KCNJ6: variants seen among roughly 807,000 people sequenced by gnomAD.
KCNJ6 encodes potassium inwardly rectifying channel subfamily J member 6, also known as G protein-activated inward rectifier potassium channel 2.
In KCNJ6, 9 loss-of-function variants were observed where a neutral mutation model predicts 34.2. The observed-to-expected ratio is 0.26, with a 90% CI of 0.16 to 0.46. The LOEUF (loss-of-function observed/expected upper bound fraction) is 0.46, where lower values mean the gene tolerates loss of function less well. Ranked by LOEUF, KCNJ6 falls within the 20% of genes least tolerant of loss-of-function variation. KCNJ6 has a pLI of 1.00. For synonymous variants in KCNJ6, 196 were observed against 207.1 expected, an observed-to-expected ratio of 0.95 and a Z score of 0.46; for missense variants, 236 against 531.3, an observed-to-expected ratio of 0.44 and a Z score of 5.46.
chr21:37,666,776 A>T (rs1288279621), intron 3 of KCNJ6, among the ~76,000 whole-genome samples: 1 of 151,972 alleles, frequency 6.6e-6, no homozygotes, highest in African/African-American at 2.4e-5. Flanking sequence ...AAAGAAGTAG[A>T]CATAGGAGAC....
At chr21:37,636,197 G>A (rs1336292707) in intron 3 of KCNJ6, among the ~76,000 whole-genome samples, 2 of 152,152 alleles carry the variant, frequency 1.3e-5, no homozygotes, top group Middle Eastern at 3.2e-3. Context: ...ACCCACACAG[G>A]TGAGGGCAGA....
intron 1 of KCNJ6, among the ~76,000 whole-genome samples, chr21:37,902,055 G>A (rs377284652): frequency 9.2e-5 from 14 of 152,126 alleles, no homozygotes; most frequent in East Asian, 7.7e-4. Flanking sequence ...AGAACCACAT[G>A]ACTCCAGGTT....
intron 3 of KCNJ6, among the ~76,000 whole-genome samples, chr21:37,701,600 C>G (rs756857604): frequency 6.6e-6 from 1 of 152,182 alleles, no homozygotes; most frequent in Non-Finnish European, 1.5e-5. Flanking sequence ...CAAGGCCTTG[C>G]TCTCACAGAG....
intron 3 of KCNJ6, among the ~76,000 whole-genome samples, chr21:37,633,514 TAAATG>T (rs1468735971): frequency 6.6e-6 from 1 of 152,116 alleles, no homozygotes; most frequent in Non-Finnish European, 1.5e-5. Flanking sequence ...GATTCAAAAA[TAAATG>T]AAACTTTCAT....
At chr21:37,773,433 T>C (rs1171561774) in intron 2 of KCNJ6, among the ~76,000 whole-genome samples, 1 of 152,128 alleles carries the variant, frequency 6.6e-6, no homozygotes, top group African/African-American at 2.4e-5. Context: ...CAGCTGCTAT[T>C]CTCTCCTTCT....
At position 37,890,968 on chromosome 21, in the gene KCNJ6, G is replaced by A. The variant is rs139862501; in HGVS notation, c.-28+24916C>T. Among the ~76,000 whole-genome samples, 553 of 152,208 alleles carry A rather than the reference G, an allele frequency of 3.6e-3. 1 individual carries two copies. The highest frequency in any genetic ancestry group is 6.6e-3 in the Non-Finnish European group (452 of 68,018). On this transcript the variant is annotated intron_variant, in intron 1 of 3. Transcript: ENST00000609713. ...AAAAATCTTTCCTGTAAAATATTGC[G>A]CATTGAAAGTCAGGTTATAAATTCT...
At chr21:37,802,846 G>A (rs938785088) in intron 2 of KCNJ6, among the ~76,000 whole-genome samples, 1 of 152,148 alleles carries the variant, frequency 6.6e-6, no homozygotes, top group African/African-American at 2.4e-5. Flanking sequence ...CACATCAGTG[G>A]GGAGCAGAAA....
intron 1 of KCNJ6, among the ~76,000 whole-genome samples, chr21:37,898,587 G>GAAAAAAAAA (rs112946268): frequency 4.5e-5 from 4 of 89,022 alleles, no homozygotes; most frequent in East Asian, 3.5e-4. Flanking sequence ...CATCTCAAAA[G>GAAAAAAAAA]AAAAAAAAAA....
chr21:37,763,497 T>A (rs891420608), intron 2 of KCNJ6, among the ~76,000 whole-genome samples: 1 of 152,122 alleles, frequency 6.6e-6, no homozygotes, highest in Non-Finnish European at 1.5e-5. Context: ...GCTCTGTGTG[T>A]CATGAAGTCC....
At chr21:37,880,298 G>A (rs2055701247) in intron 1 of KCNJ6, among the ~76,000 whole-genome samples, 1 of 152,256 alleles carries the variant, frequency 6.6e-6, no homozygotes, top group African/African-American at 2.4e-5. Context: ...CAGGAAAAAA[G>A]GAGTCACAAC....
chr21:37,778,286 C>T (rs969486689), intron 2 of KCNJ6, among the ~76,000 whole-genome samples: 10 of 152,102 alleles, frequency 6.6e-5, no homozygotes, highest in Middle Eastern at 3.2e-3. Context: ...ACTTTGCTTT[C>T]TGAAAGTCAG....
rs1257273878 is a variant in KCNJ6, at chr21:37,611,843, C to G, written c.*13316G>C. ...AGCCCCTCAACCTGATAAACAATAT[C>G]TAAAAAAAAAACCTTACAGCTAACA... On this transcript the variant is annotated 3_prime_UTR_variant, in exon 4 of 4. Coordinates refer to ENST00000609713, the MANE Select transcript of KCNJ6 (RefSeq NM_002240.5). The G allele has an allele frequency of 6.6e-6, 1 of 151,188 alleles. No homozygotes were observed. Among genetic ancestry groups the G allele is most frequent in the Non-Finnish European group, 1.5e-5 (1 of 67,702 alleles). The allele number at this position is 151,188 out of a possible 1,614,324, so 9.4% of individuals were successfully genotyped here.
At chr21:37,908,882 G>T (rs1438773454) in intron 1 of KCNJ6, among the ~76,000 whole-genome samples, 1 of 152,112 alleles carries the variant, frequency 6.6e-6, no homozygotes, top group African/African-American at 2.4e-5. Flanking sequence ...ATTTATATCG[G>T]GCATGCATAC....
At chr21:37,647,810 C>G (rs1225139203) in intron 3 of KCNJ6, among the ~76,000 whole-genome samples, 1 of 152,186 alleles carries the variant, frequency 6.6e-6, no homozygotes, top group Admixed American at 6.5e-5. Context: ...CTCTGCCCCC[C>G]AATGACATGG....
chr21:37,803,155 C>T (rs1297925152), intron 2 of KCNJ6, among the ~76,000 whole-genome samples: 10 of 152,172 alleles, frequency 6.6e-5, no homozygotes, highest in Admixed American at 6.5e-4. Flanking sequence ...ATGTTTTCTT[C>T]CTTAGGGCTG....
chr21:37,708,031 T>G (rs2054730459), intron 3 of KCNJ6, among the ~76,000 whole-genome samples: 1 of 152,174 alleles, frequency 6.6e-6, no homozygotes, highest in Non-Finnish European at 1.5e-5. Flanking sequence ...CCACATTGTA[T>G]ATACTGAGAG....
chr21:37,801,006 G>C (rs906360227), intron 2 of KCNJ6, among the ~76,000 whole-genome samples: 2 of 152,154 alleles, frequency 1.3e-5, no homozygotes, highest in Non-Finnish European at 2.9e-5. Context: ...TAAGGGAGAG[G>C]GGGACTCGTT....
intron 2 of KCNJ6, among the ~76,000 whole-genome samples, chr21:37,801,106 G>A (rs1290027684): frequency 6.6e-6 from 1 of 152,170 alleles, no homozygotes; most frequent in African/African-American, 2.4e-5. Flanking sequence ...GAATCAGATA[G>A]CTGGGGTTCT....
intron 2 of KCNJ6, among the ~76,000 whole-genome samples, chr21:37,760,815 G>C (rs919473584): frequency 6.6e-6 from 1 of 152,198 alleles, no homozygotes; most frequent in Admixed American, 6.5e-5. Flanking sequence ...TGTCTCACCT[G>C]GGCTGGGAAT....
Sources: allele counts gnomAD v4.1 joint callset (sites outside exome capture counted in the v4.1 genomes callset), GRCh38; gene constraint gnomAD v4.1.1; transcripts MANE v1.5; gene names NCBI Gene and HGNC (gene_info 2026-07-23, HGNC 2026-07-21).